ATP13A4: variants seen among roughly 807,000 people sequenced by gnomAD.
ATP13A4 encodes the protein probable cation-transporting ATPase 13A4.
ATP13A4 carries 114 observed loss-of-function variants against 142.5 expected under a neutral mutation model. That is an observed-to-expected ratio of 0.80 (90% CI 0.69 to 0.93). The LOEUF (loss-of-function observed/expected upper bound fraction) is 0.93. ATP13A4 is among the 40% of genes least tolerant of loss of function. The pLI is 0.00. For synonymous variants in ATP13A4, 488 were observed against 514.8 expected, an observed-to-expected ratio of 0.95 and a Z score of 0.70; for missense variants, 1,392 against 1,454.0, an observed-to-expected ratio of 0.96 and a Z score of 0.69.
intron 23 of ATP13A4, among the ~76,000 whole-genome samples, chr3:193,437,588 A>G (rs1040683238): frequency 4.6e-5 from 7 of 152,048 alleles, no homozygotes; most frequent in East Asian, 1.9e-4. Flanking sequence ...CTGAACTTCA[A>G]TTGTTTTGTT....
chr3:193,456,444 G>A (rs78158429), intron 16 of ATP13A4, among the ~76,000 whole-genome samples: 5,794 of 152,264 alleles, frequency 0.038, 312 homozygotes, highest in East Asian at 0.19. Context: ...ACTTAGTTCA[G>A]CTCAGGAAAA....
chr3:193,452,129 G>A (rs1346726109), intron 17 of ATP13A4, among the ~76,000 whole-genome samples: 1 of 152,114 alleles, frequency 6.6e-6, no homozygotes, highest in Non-Finnish European at 1.5e-5. Context: ...TTTGCAACTT[G>A]TAATATGCAA....
At chr3:193,501,361 G>C (rs1196200760) in intron 3 of ATP13A4, among the ~76,000 whole-genome samples, 3 of 152,158 alleles carry the variant, frequency 2.0e-5, no homozygotes, top group Non-Finnish European at 4.4e-5. Flanking sequence ...GCTGAGGTTG[G>C]TGGATCACCT....
rs1212588994 is a variant in ATP13A4, at chr3:193,493,091, C to T, written c.451G>A (p.Gly151Ser). Residue 151 changes from glycine (G) to serine (S), a missense_variant and splice_region_variant, in exon 4 of 30, where the codon GGT becomes AGT. Transcript: ENST00000342695. ...NYLEGQFQKI[G>S]SLEDWLSSAK... ...GCTGTACTTGCTAAAACAACTTACCCAATTTTCTGGAACTGTCCTTCTAAG... is the reference window on the plus strand; with the variant it reads ...GCTGTACTTGCTAAAACAACTTACCTAATTTTCTGGAACTGTCCTTCTAAG... The T allele has an allele frequency of 1.9e-6, 3 of 1,613,116 alleles. No homozygotes were observed. The highest frequency in any genetic ancestry group is 1.7e-6 in the Non-Finnish European group (2 of 1,179,480).
Position 193,457,445 on chromosome 3 carries a change from G to A in ATP13A4, c.1695C>T (p.Asp565=), listed in dbSNP as rs370317634. The change falls in exon 15 of 30, where the codon GAC becomes GAT. Residue 565 remains aspartate (D), a synonymous_variant. Transcript: ENST00000342695. ...ATTWEMAFSG[D]DFHIKGVPAH... is the part of the protein sequence containing the mutation. ...CCGGCACTCCCTTGATGTGGAAATC[G>A]TCCCCAGAAAAAGCCATTTCCTATT... 3.0e-5 allele frequency: 49 copies of A among 1,613,954 alleles called. No homozygotes were observed. Among genetic ancestry groups the A allele is most frequent in the Admixed American group, 1.5e-4 (9 of 60,004 alleles).
intron 1 of ATP13A4, among the ~76,000 whole-genome samples, chr3:193,517,634 C>G (rs981539357): frequency 3.9e-5 from 6 of 152,226 alleles, no homozygotes; most frequent in Non-Finnish European, 8.8e-5. Flanking sequence ...GCGCCCGCCA[C>G]CACGCCCGGC....
intron 2 of ATP13A4, among the ~76,000 whole-genome samples, chr3:193,569,618 C>T (rs1346605171): frequency 6.6e-6 from 1 of 152,028 alleles, no homozygotes; most frequent in Non-Finnish European, 1.5e-5. Context: ...TCCTCAACCT[C>T]CCGGGCTCAA....
chr3:193,482,502 T>C (rs1719352868), intron 8 of ATP13A4, among the ~76,000 whole-genome samples: 2 of 152,172 alleles, frequency 1.3e-5, no homozygotes, highest in South Asian at 4.1e-4. Context: ...AGAGAAAATA[T>C]TTGCAAATCA....
At chr3:193,491,138 A>G (rs1719920075) in intron 6 of ATP13A4, among the ~76,000 whole-genome samples, 191 bp downstream of exon 6, 1 of 152,240 alleles carries the variant, frequency 6.6e-6, no homozygotes, top group Admixed American at 6.5e-5. Context: ...TATATTGCAT[A>G]AGGCAATGTG....
At chr3:193,513,125 T>C (rs1026188538) in intron 2 of ATP13A4, among the ~76,000 whole-genome samples, 8 of 152,166 alleles carry the variant, frequency 5.3e-5, no homozygotes, top group Admixed American at 2.0e-4. Context: ...AGCTAGAACA[T>C]AGAACAAGTA....
At chr3:193,522,944 T>C (rs736504) in intron 1 of ATP13A4, among the ~76,000 whole-genome samples, 16,735 of 152,296 alleles carry the variant, frequency 0.11, 1,217 homozygotes, top group Non-Finnish European at 0.16. Flanking sequence ...CTCCAGTTTC[T>C]GGCACACAGC....
upstream of ATP13A4, chr3:193,555,104 G>T (rs1193893992): frequency 2.1e-6 from 1 of 475,938 alleles, no homozygotes; most frequent in Non-Finnish European, 3.7e-6. Flanking sequence ...CCAACTTACA[G>T]GGAAAGAACT....
At chr3:193,538,305 C>T (rs1722692534) in intron 1 of ATP13A4, among the ~76,000 whole-genome samples, 1 of 152,092 alleles carries the variant, frequency 6.6e-6, no homozygotes, top group Admixed American at 6.6e-5. Flanking sequence ...GCAAGTGAAA[C>T]TTCTTACAGG....
rs530497647 is a variant in ATP13A4, at chr3:193,514,459, C to T, written c.234+239G>A. 6.7e-4 allele frequency among the ~76,000 whole-genome samples: 102 copies of T among 152,218 alleles called. 1 individual carries two copies. Among genetic ancestry groups the T allele is most frequent in the African/African-American group, 2.3e-3 (94 of 41,562 alleles). Reference sequence around the variant, plus strand: ...AGTATTCCGTGGTGTACATGTACCACATTTTATTTATCCAGTCTATCACTG... The same window carrying T: ...AGTATTCCGTGGTGTACATGTACCATATTTTATTTATCCAGTCTATCACTG... On this transcript the variant is annotated intron_variant, in intron 2 of 29. Transcript: ENST00000342695.
rs1714230391 is a variant in ATP13A4, at chr3:193,400,650, C to A, written c.*2002G>T. 6.6e-6 allele frequency among the ~76,000 whole-genome samples: 1 copy of A among 152,226 alleles called. No homozygotes were observed. The highest frequency in any genetic ancestry group is 2.1e-4 in the South Asian group (1 of 4,832). On this transcript the variant is annotated 3_prime_UTR_variant, in exon 30 of 30. Transcript: ENST00000342695. ...AGGCCTAGATCTGCTCTTGCCATTA[C>A]TGAATCTCAGCTTTCTCATCTGTAT...
intron 1 of ATP13A4, among the ~76,000 whole-genome samples, chr3:193,582,350 C>T (rs962398865): frequency 6.7e-5 from 10 of 149,012 alleles, no homozygotes; most frequent in Admixed American, 2.0e-4. Flanking sequence ...GGTTTTACCA[C>T]GTTGGCGAAG....
At chr3:193,467,091 AC>A (rs1221309331) in intron 10 of ATP13A4, among the ~76,000 whole-genome samples, 1 of 151,888 alleles carries the variant, frequency 6.6e-6, no homozygotes, top group Non-Finnish European at 1.5e-5. Context: ...GGGAATAGAT[AC>A]CCCCTTCTCC....
intron 1 of ATP13A4, among the ~76,000 whole-genome samples, chr3:193,533,433 T>C (rs1722431706): frequency 6.6e-6 from 1 of 152,104 alleles, no homozygotes; most frequent in African/African-American, 2.4e-5. Context: ...CCAGCATATG[T>C]TGCTCTAAAA....
intron 1 of ATP13A4, among the ~76,000 whole-genome samples, chr3:193,523,434 C>T (rs1227597688): frequency 4.6e-5 from 7 of 152,180 alleles, no homozygotes; most frequent in Non-Finnish European, 1.0e-4. Flanking sequence ...CTTTCAGTTT[C>T]ACCCCCTGAC....
Sources: allele counts gnomAD v4.1 joint callset (sites outside exome capture counted in the v4.1 genomes callset), GRCh38; gene constraint gnomAD v4.1.1; transcripts MANE v1.5; gene names NCBI Gene and HGNC (gene_info 2026-07-23, HGNC 2026-07-21).